MAP3K7CL: variants seen among roughly 807,000 people sequenced by gnomAD.
MAP3K7CL encodes the protein MAP3K7 C-terminal like, also known as MAP3K7 C-terminal-like protein.
MAP3K7CL carries 16 observed loss-of-function variants against 18.6 expected under a neutral mutation model. The observed-to-expected ratio is 0.86, with a 90% confidence interval of 0.58 to 1.31. MAP3K7CL has a LOEUF of 1.31. Ranked by LOEUF, MAP3K7CL falls within the 50% of genes most tolerant of loss-of-function variation. The probability of loss-of-function intolerance (pLI) is 0.00; values close to 1 mark genes in which losing one functional copy is unlikely to be tolerated. For synonymous variants in MAP3K7CL, 65 were observed against 66.8 expected, an observed-to-expected ratio of 0.97 and a Z score of 0.13; for missense variants, 163 against 174.4, an observed-to-expected ratio of 0.93 and a Z score of 0.37.
chr21:29,091,663 C>CAT, intron 2 of MAP3K7CL: 1 of 698,928 alleles, frequency 1.4e-6, no homozygotes, highest in Non-Finnish European at 2.6e-6. Flanking sequence ...CTTTTTTTTT[C>CAT]ATAGAGATGG....
intron 4 of MAP3K7CL, among the ~76,000 whole-genome samples, chr21:29,167,144 T>C (rs772049452): frequency 9.2e-5 from 14 of 152,270 alleles, no homozygotes; most frequent in Non-Finnish European, 7.3e-5. Flanking sequence ...AGTTCTCTGA[T>C]GGCTAATGAT....
At chr21:29,111,684 ACT>A (rs1227586140) in intron 4 of MAP3K7CL, among the ~76,000 whole-genome samples, 1 of 152,116 alleles carries the variant, frequency 6.6e-6, no homozygotes, top group Non-Finnish European at 1.5e-5. Context: ...ATGAAGCCTA[ACT>A]CTGGGGTGAG....
intron 4 of MAP3K7CL, among the ~76,000 whole-genome samples, chr21:29,120,467 C>T (rs564500173): frequency 2.0e-5 from 3 of 152,244 alleles, no homozygotes; most frequent in Admixed American, 6.5e-5. Flanking sequence ...CAGGAATTTA[C>T]AGTAGCTGTC....
intron 4 of MAP3K7CL, among the ~76,000 whole-genome samples, chr21:29,162,555 C>T (rs1009131984): frequency 1.5e-4 from 22 of 150,370 alleles, no homozygotes; most frequent in African/African-American, 2.4e-4. Context: ...TAGTGGTGGG[C>T]GCATGTAATC....
Position 29,130,691 on chromosome 21 carries a change from T to C in MAP3K7CL, c.-272T>C, listed in dbSNP as rs1014306976. 8.1e-6 allele frequency: 8 copies of C among 985,352 alleles called. No individual in the cohort carries two copies. In the African/African-American group the frequency reaches 1.4e-4, roughly 17 times the overall value. The allele number at this position is 985,352 out of a possible 1,614,324, so 61.0% of individuals were successfully genotyped here. A position where few individuals can be genotyped will look rare whatever the true frequency, so the allele number is the denominator to read the frequency against. ...AGGCAAGGAAAGGAGAGAGGGGTTGTGAAGGGAAGCGGAAGGGAAGGGAAG... is the reference window on the plus strand; with the variant it reads ...AGGCAAGGAAAGGAGAGAGGGGTTGCGAAGGGAAGCGGAAGGGAAGGGAAG... On this transcript the variant is annotated 5_prime_UTR_variant, in exon 1 of 5. Coordinates refer to ENST00000399928, the MANE Select transcript of MAP3K7CL (RefSeq NM_001286620.2).
chr21:29,090,474 G>A (rs2086005447), intron 1 of MAP3K7CL, among the ~76,000 whole-genome samples: 1 of 151,886 alleles, frequency 6.6e-6, no homozygotes, highest in Non-Finnish European at 1.5e-5. Flanking sequence ...TCCGCCTCCT[G>A]GGTTCACGCC....
chr21:29,078,407 T>C (rs748531545), intron 1 of MAP3K7CL, among the ~76,000 whole-genome samples: 1 of 152,204 alleles, frequency 6.6e-6, no homozygotes, highest in African/African-American at 2.4e-5. Flanking sequence ...CCTTATTCAC[T>C]TTCTGAGTTT....
chr21:29,120,688 TTC>T (rs2086578083), intron 4 of MAP3K7CL, among the ~76,000 whole-genome samples: 1 of 138,296 alleles, frequency 7.2e-6, no homozygotes, highest in African/African-American at 2.6e-5. Flanking sequence ...CTTTCTTTCT[TTC>T]TGTTTCTTTC....
intron 4 of MAP3K7CL, among the ~76,000 whole-genome samples, chr21:29,164,572 T>C (rs1192069830): frequency 2.0e-5 from 3 of 152,212 alleles, no homozygotes; most frequent in Non-Finnish European, 4.4e-5. Context: ...GAATTTGTCT[T>C]AAGAGGCGTG....
At chr21:29,108,545 A>G (rs2086364195) in intron 4 of MAP3K7CL, among the ~76,000 whole-genome samples, 2 of 152,230 alleles carry the variant, frequency 1.3e-5, no homozygotes. Context: ...ATAAAAAAAT[A>G]CATATTTCCC....
chr21:29,090,909 T>G (rs1260877181), intron 1 of MAP3K7CL, among the ~76,000 whole-genome samples: 1 of 152,256 alleles, frequency 6.6e-6, no homozygotes, highest in East Asian at 1.9e-4. Context: ...TGCTTAATAG[T>G]CACATTAAAA....
At chr21:29,150,015 A>G (rs948011755) in intron 3 of MAP3K7CL, among the ~76,000 whole-genome samples, 1 of 152,204 alleles carries the variant, frequency 6.6e-6, no homozygotes, top group Non-Finnish European at 1.5e-5. Flanking sequence ...CTGTACACAG[A>G]CATTTCTTAG....
chr21:29,101,275 A>G (rs1214215047), intron 4 of MAP3K7CL, among the ~76,000 whole-genome samples: 1 of 152,212 alleles, frequency 6.6e-6, no homozygotes, highest in Non-Finnish European at 1.5e-5. Flanking sequence ...CAGGCTGTCT[A>G]GCACAGAGTA....
At chr21:29,136,675 C>T (rs572707529) in intron 2 of MAP3K7CL, among the ~76,000 whole-genome samples, 2 of 152,202 alleles carry the variant, frequency 1.3e-5, no homozygotes, top group Non-Finnish European at 2.9e-5. Context: ...CACCCGCCAC[C>T]AGGCCTGGCT....
intron 2 of MAP3K7CL, among the ~76,000 whole-genome samples, chr21:29,138,865 A>G (rs1187678856): frequency 6.6e-6 from 1 of 152,016 alleles, no homozygotes; most frequent in Non-Finnish European, 1.5e-5. Flanking sequence ...TGCAGTCCCA[A>G]TTCCTGGGGC....
At chr21:29,155,338 T>A (rs797017616) in intron 3 of MAP3K7CL, among the ~76,000 whole-genome samples, 1 of 152,142 alleles carries the variant, frequency 6.6e-6, no homozygotes, top group South Asian at 2.1e-4. Context: ...ATATATCTCC[T>A]GTGTGGGAAG....
intron 4 of MAP3K7CL, among the ~76,000 whole-genome samples, chr21:29,102,024 A>C (rs1024744667): frequency 1.3e-5 from 2 of 152,230 alleles, no homozygotes; most frequent in African/African-American, 4.8e-5. Context: ...GGTGGATGTC[A>C]CAGTCAGGAT....
At chr21:29,111,205 G>C (rs1007391370) in intron 4 of MAP3K7CL, among the ~76,000 whole-genome samples, 1 of 151,584 alleles carries the variant, frequency 6.6e-6, no homozygotes, top group Non-Finnish European at 1.5e-5. Flanking sequence ...GCAGTGAGCC[G>C]AGATCACACC....
chr21:29,133,225 A>G (rs1355702348), intron 1 of MAP3K7CL, 81 bp from the exon 2 acceptor site: 2 of 978,394 alleles, frequency 2.0e-6, no homozygotes, highest in African/African-American at 3.3e-5. Flanking sequence ...TAATAACTTC[A>G]CCTGTAATTT....
Sources: allele counts gnomAD v4.1 joint callset (sites outside exome capture counted in the v4.1 genomes callset), GRCh38; gene constraint gnomAD v4.1.1; transcripts MANE v1.5; gene names NCBI Gene and HGNC (gene_info 2026-07-23, HGNC 2026-07-21).